The following C2orf92 variants were observed in gnomAD, a reference collection of about 807,000 sequenced individuals.
C2orf92 encodes chromosome 2 open reading frame 92.
intron 3 of C2orf92, among the ~76,000 whole-genome samples, chr2:97,679,025 T>A (rs1160443212): frequency 4.0e-5 from 6 of 151,474 alleles, no homozygotes; most frequent in African/African-American, 1.5e-4. Flanking sequence ...CAAGCAAGAA[T>A]TCTCTATCTG....
upstream of C2orf92, among the ~76,000 whole-genome samples, chr2:97,667,212 GTT>G (rs1245078809): frequency 6.6e-6 from 1 of 150,576 alleles, no homozygotes; most frequent in Non-Finnish European, 1.5e-5. Context: ...AGTGTAGACT[GTT>G]ATATGCATGA....
intron 5 of C2orf92, among the ~76,000 whole-genome samples, chr2:97,691,831 C>T (rs58383658): frequency 0.065 from 9,813 of 152,116 alleles, 656 homozygotes; most frequent in African/African-American, 0.17. Context: ...GAGGTTGCAG[C>T]GAGCTGAGAT....
In C2orf92 at chr2:97,699,062, G is replaced by T; in HGVS notation, c.440G>T (p.Cys147Phe). The T allele has an allele frequency of 5.0e-6, 2 of 398,546 alleles. No individual in the cohort carries two copies. Among genetic ancestry groups the T allele is most frequent in the Non-Finnish European group, 8.8e-6 (2 of 226,046 alleles). The allele number at this position is 398,546 out of a possible 1,614,324, so 24.7% of individuals were successfully genotyped here. A position where few individuals can be genotyped will look rare whatever the true frequency, so the allele number is the denominator to read the frequency against. ...GAGGAGAAGAATTTTAAAGAATCCT[G>T]TCTGTTCGACAGGGATTTAAGAGAG... ...LSEEKNFKES[C>F]LFDRDLREQL... Residue 147 changes from cysteine to phenylalanine, a missense_variant, in exon 6 of 8, where the codon TGT (cysteine) becomes TTT (phenylalanine). Physicochemically the swap from Cys to Phe is radical, Grantham distance 205. Transcript: ENST00000627399.
intron 7 of C2orf92, among the ~76,000 whole-genome samples, 190 bp downstream of exon 7, chr2:97,701,494 G>A (rs939806623): frequency 6.6e-6 from 1 of 152,180 alleles, no homozygotes; most frequent in Admixed American, 6.5e-5. Flanking sequence ...GCACAGCCTG[G>A]GTGATTCTGA....
At chr2:97,679,284 A>G (rs530510479) in intron 3 of C2orf92, among the ~76,000 whole-genome samples, 2 of 152,184 alleles carry the variant, frequency 1.3e-5, no homozygotes, top group Admixed American at 6.5e-5. Context: ...AGGTGAATGC[A>G]TGAAATAATA....
intron 5 of C2orf92, chr2:97,694,613 A>G (rs1453228736): frequency 6.6e-6 from 1 of 151,858 alleles, no homozygotes; most frequent in African/African-American, 2.4e-5. Context: ...TGTATCTACC[A>G]TGTTTTGTTT....
At chr2:97,695,876 T>C (rs1305147375) in intron 5 of C2orf92, among the ~76,000 whole-genome samples, 1 of 152,162 alleles carries the variant, frequency 6.6e-6, no homozygotes, top group Non-Finnish European at 1.5e-5. Context: ...CTCAGCCTCC[T>C]GAGTAGCTGG....
At chr2:97,693,508 C>A (rs1260671531) in intron 5 of C2orf92, among the ~76,000 whole-genome samples, 1 of 152,160 alleles carries the variant, frequency 6.6e-6, no homozygotes, top group Non-Finnish European at 1.5e-5. Flanking sequence ...TTTAAAAAAT[C>A]AAGAATGGGT....
chr2:97,702,143 T>C (rs1290673256), intron 7 of C2orf92: 1 of 152,306 alleles, frequency 6.6e-6, no homozygotes, highest in African/African-American at 2.4e-5. Context: ...AATGCTCAGC[T>C]TGCCCCTAGA....
intron 5 of C2orf92, 88 bp downstream of exon 5, chr2:97,690,415 CTG>C: frequency 2.6e-6 from 1 of 385,214 alleles, no homozygotes; most frequent in East Asian, 3.7e-5. Context: ...GAGTCTCACT[CTG>C]TTGCCCAGGC....
At chr2:97,670,040 A>G (rs1031887582) in intron 1 of C2orf92, 2 of 389,048 alleles carry the variant, frequency 5.1e-6, no homozygotes. Context: ...AGCTTTCTCA[A>G]AATTCAGAGC....
At chr2:97,693,867 C>T (rs1334826239) in intron 5 of C2orf92, among the ~76,000 whole-genome samples, 1 of 152,076 alleles carries the variant, frequency 6.6e-6, no homozygotes, top group East Asian at 1.9e-4. Flanking sequence ...GGTGTTTCTC[C>T]ATTTGTATTC....
chr2:97,676,215 A>G (rs959360084), intron 3 of C2orf92, among the ~76,000 whole-genome samples: 4 of 151,902 alleles, frequency 2.6e-5, no homozygotes, highest in Non-Finnish European at 5.9e-5. Flanking sequence ...TTTAAAAGAG[A>G]CACCCCAGGC....
chr2:97,686,078 G>A (rs912867208), intron 3 of C2orf92, among the ~76,000 whole-genome samples: 2 of 152,200 alleles, frequency 1.3e-5, no homozygotes, highest in African/African-American at 2.4e-5. Flanking sequence ...AGACTGAGGG[G>A]CCAGCATCTG....
chr2:97,674,427 T>C (rs1439868053), intron 1 of C2orf92, 29 bp from the exon 2 acceptor site: 3 of 398,500 alleles, frequency 7.5e-6, no homozygotes, highest in African/African-American at 6.2e-5. Context: ...ATTGCTGATA[T>C]TAACATGCCT....
intron 1 of C2orf92, among the ~76,000 whole-genome samples, chr2:97,673,719 C>A (rs559201603): frequency 6.6e-6 from 1 of 152,132 alleles, no homozygotes; most frequent in Admixed American, 6.6e-5. Flanking sequence ...CTGCCTCTCC[C>A]GCTATCTAGA....
At chr2:97,664,177 GT>G (rs1675124214), upstream of C2orf92, 3 of 201,906 alleles carry the variant, frequency 1.5e-5, no homozygotes, top group African/African-American at 7.0e-5. Context: ...GAAAAAAGTG[GT>G]CGCGGCGTTG....
chr2:97,698,468 G>A (rs918030181), intron 5 of C2orf92, among the ~76,000 whole-genome samples: 4 of 152,182 alleles, frequency 2.6e-5, no homozygotes, highest in Non-Finnish European at 5.9e-5. Context: ...ATTTCAGTGT[G>A]GTTAATTTTC....
chr2:97,685,079 G>A (rs1420372969), intron 3 of C2orf92, among the ~76,000 whole-genome samples: 5 of 150,916 alleles, frequency 3.3e-5, no homozygotes, highest in Non-Finnish European at 7.4e-5. Context: ...ACAGGCGCCC[G>A]CCACCACGCA....
Sources: gnomAD v4.1 joint callset for allele counts (sites outside exome capture counted in the v4.1 genomes callset) on GRCh38, gnomAD v4.1.1 for gene constraint, MANE v1.5 for transcripts, NCBI Gene and HGNC (gene_info 2026-07-23, HGNC 2026-07-21) for gene names.